FTCD: variants seen among roughly 807,000 people sequenced by gnomAD.
The protein encoded by FTCD is formimidoyltransferase-cyclodeaminase.
A neutral mutation model predicts 62.9 loss-of-function variants in FTCD; 76 were observed. The observed-to-expected ratio is 1.21, with a 90% CI of 1.00 to 1.46. The LOEUF is 1.46. FTCD is among the 40% of genes most tolerant of loss of function. The pLI, the probability that FTCD is intolerant of heterozygous loss-of-function variation, is 0.00. For synonymous variants in FTCD, 397 were observed against 336.9 expected (o/e 1.18, Z -1.95); for missense variants, 845 against 751.3 (o/e 1.12, Z -1.46).
At chr21:46,139,739 C>T (rs2078953011) in intron 10 of FTCD, among the ~76,000 whole-genome samples, 1 of 152,240 alleles carries the variant, frequency 6.6e-6, no homozygotes, top group Non-Finnish European at 1.5e-5. Context: ...GTCTCCCTGA[C>T]TGGCTGGGGC....
chr21:46,144,991 A>C (rs1413305522), intron 10 of FTCD, among the ~76,000 whole-genome samples: 1 of 151,676 alleles, frequency 6.6e-6, no homozygotes, highest in African/African-American at 2.4e-5. Flanking sequence ...TGTGGCTGAA[A>C]CGGGTCGTCT....
At chr21:46,138,688 C>G (rs2078927145) in intron 11 of FTCD, 42 bp from the exon 12 acceptor site, 1 of 1,588,478 alleles carries the variant, frequency 6.3e-7, no homozygotes, top group African/African-American at 1.3e-5. Context: ...GCGGCACACA[C>G]AGGCAGGCAG....
intron 12 of FTCD, 23 bp downstream of exon 12, chr21:46,138,485 T>C (rs2078919598): frequency 1.3e-6 from 2 of 1,571,510 alleles, no homozygotes; most frequent in Non-Finnish European, 1.7e-6. Context: ...GCAGGAGGCC[T>C]GGGGTCCCCC....
At chr21:46,144,927 G>C (rs1184417453) in intron 10 of FTCD, among the ~76,000 whole-genome samples, 1 of 151,366 alleles carries the variant, frequency 6.6e-6, no homozygotes, top group Non-Finnish European at 1.5e-5. Flanking sequence ...AGGGAGGTGG[G>C]GTCACTGCCT....
chr21:46,151,716 G>C lies in FTCD; in HGVS notation c.478C>G (p.Pro160Ala). 6.2e-7 allele frequency: 1 copy of C among 1,612,902 alleles called. No individual in the cohort carries two copies. The highest frequency in any genetic ancestry group is 1.7e-5 in the Admixed American group (1 of 60,026). The change falls in exon 5 of 14, where the codon CCC (proline) becomes GCC (alanine). Residue 160 changes from proline (P) to alanine (A), a missense_variant. Pro to Ala is a conservative substitution (Grantham distance 27). Transcript: ENST00000397746. ...PKKLQQADWA[P>A]DFGPSSFVPS... is the part of the protein sequence containing the mutation. The stretch of plus-strand genomic sequence containing the variant: ...ACAAAGGAGCTGGGACCAAAGTCGG[G>C]CGCCCAGTCGGCCTGCTGGAGCTGT...
In FTCD at chr21:46,137,958, G is replaced by T. The variant is rs575516501; in HGVS notation, c.1443+550C>A. Among the ~76,000 whole-genome samples the T allele has an allele frequency of 4.6e-5, 7 of 152,320 alleles. No individual in the cohort carries two copies. In the South Asian group the frequency reaches 1.2e-3, roughly 27 times the overall value. On this transcript the variant is annotated intron_variant, in intron 12 of 13. Coordinates refer to ENST00000397746, the MANE Select transcript of FTCD (RefSeq NM_206965.2). ...GTCACCAAGGCTGGAGCGCAGTGGT[G>T]TGATCACGGCTCACTGCAGCCTTGA...
In FTCD at chr21:46,154,327, G is replaced by A. The variant is rs374622555; in HGVS notation, c.60C>T (p.Ile20=). 2.9e-5 allele frequency: 47 copies of A among 1,609,450 alleles called. No homozygotes were observed. The highest frequency in any genetic ancestry group is 4.1e-4 in the Middle Eastern group (2 of 4,862). ...GTGTGATGGCTCCAGAGATGGCGTC[G>A]ATCACCTGGGACACAGGCCCGGCCC... The part of the protein sequence containing the change: ...NFSEGKNQEV[I]DAISGAITQT... Residue 20 remains isoleucine (I), a synonymous_variant, in exon 2 of 14, where the codon ATC becomes ATT. Coordinates refer to ENST00000397746, the MANE Select transcript of FTCD (RefSeq NM_206965.2).
intron 7 of FTCD, among the ~76,000 whole-genome samples, chr21:46,149,830 G>A (rs1244095104): frequency 1.3e-5 from 2 of 152,212 alleles, no homozygotes; most frequent in Non-Finnish European, 2.9e-5. Context: ...GGTGAGAGGA[G>A]GCACAGGCCC....
chr21:46,150,224 T>C lies in FTCD; in HGVS notation c.801A>G (p.Ser267=). 6.2e-7 allele frequency: 1 copy of C among 1,609,732 alleles called. No homozygotes were observed. Among genetic ancestry groups the C allele is most frequent in the African/African-American group, 1.3e-5 (1 of 75,012 alleles). The change falls in exon 7 of 14, where the codon TCA becomes TCG. Residue 267 remains serine (S), a synonymous_variant. Coordinates refer to ENST00000397746, the MANE Select transcript of FTCD (RefSeq NM_206965.2). The part of the protein sequence containing the change: ...AQELSLPVVG[S]QLVGLVPLKA... ...TCAGGGGCACCAGGCCCACCAGCTG[T>C]GAGCCCACCACTGGGAGGCTCAGCT...
At chr21:46,140,980 GCA>G (rs754635123) in intron 10 of FTCD, among the ~76,000 whole-genome samples, 6 of 152,056 alleles carry the variant, frequency 3.9e-5, no homozygotes, top group African/African-American at 7.2e-5. Flanking sequence ...CTGATGCCTA[GCA>G]CAGTCTCACT....
chr21:46,150,303 T>C, intron 6 of FTCD, 53 bp from the exon 7 acceptor site: 2 of 1,609,466 alleles, frequency 1.2e-6, no homozygotes, highest in Admixed American at 3.3e-5. Context: ...AGAATGGCCC[T>C]GGCTGGAGGA....
intron 3 of FTCD, chr21:46,152,657 T>C: frequency 2.2e-6 from 1 of 450,054 alleles, no homozygotes; most frequent in Non-Finnish European, 3.9e-6. Context: ...AGGCGTGGAC[T>C]TTAAGGCTCT....
rs7275864 is a variant in FTCD at position 46,150,638 on chromosome 21, G to C, written c.637-113C>G. On this transcript the variant is annotated intron_variant, in intron 5 of 13. Transcript: ENST00000397746. ...CTGGACGGGGAGGAGCCTGTGCCTGGGTGGGTGCTGTGGTTCTCCTCCGTC... is the reference window on the plus strand; with the variant it reads ...CTGGACGGGGAGGAGCCTGTGCCTGCGTGGGTGCTGTGGTTCTCCTCCGTC... The C allele has an allele frequency of 9.5e-3, 10,598 of 1,119,324 alleles. 712 individuals are homozygous for C. The African/African-American group carries it at 0.15, about 15-fold the overall frequency. The allele number at this position is 1,119,324 out of a possible 1,614,324, so 69.3% of individuals were successfully genotyped here. A position where few individuals can be genotyped will look rare whatever the true frequency, so the allele number is the denominator to read the frequency against.
chr21:46,152,672 T>C (rs963753609), intron 3 of FTCD: 2 of 468,334 alleles, frequency 4.3e-6, no homozygotes, highest in African/African-American at 3.9e-5. Flanking sequence ...GGCTCTTGGT[T>C]TGCCTGTGCA....
In FTCD at chr21:46,145,454, A is replaced by T. The variant is rs958812998; in HGVS notation, c.1223T>A (p.Leu408Gln). 22 of 1,559,876 alleles carry T rather than the reference A, an allele frequency of 1.4e-5. No homozygotes were observed. The highest frequency in any genetic ancestry group is 3.3e-4 in the Middle Eastern group (2 of 5,990). Residue 408 changes from leucine (L) to glutamine (Q), a missense_variant, in exon 10 of 14, where the codon CTG (leucine) becomes CAG (glutamine). Transcript: ENST00000397746. Reference sequence around the variant, plus strand: ...GAAGGCCTCGGCGTCGGCATCCACCAGCGTGGTTAGCTTGGCCGAAGCCTC... The same window carrying T: ...GAAGGCCTCGGCGTCGGCATCCACCTGCGTGGTTAGCTTGGCCGAAGCCTC... ...FREASAKLTT[L>Q]VDADAEAFTA... is the part of the protein sequence containing the mutation.
In FTCD at chr21:46,136,999, G is replaced by C. The variant is rs138620208; in HGVS notation, c.1614C>G (p.Thr538=). The C allele has an allele frequency of 1.9e-6, 3 of 1,613,298 alleles. No homozygotes were observed. The highest frequency in any genetic ancestry group is 2.5e-6 in the Non-Finnish European group (3 of 1,180,026). The change falls in exon 14 of 14, where the codon ACC becomes ACG. Residue 538 remains threonine, a synonymous_variant. Transcript: ENST00000397746. ...GCCTCCCGCACCGTCACTCCTGCCG[G>C]GTCTCCAAGCAGTCCAGCACCAGTG... is the stretch of plus-strand genomic sequence containing the variant. ...QAALVLDCLE[T]RQE is the part of the protein sequence containing the mutation.
chr21:46,143,525 T>A (rs567532231), intron 10 of FTCD, among the ~76,000 whole-genome samples: 1 of 152,346 alleles, frequency 6.6e-6, no homozygotes, highest in African/African-American at 2.4e-5. Context: ...AATCATTAGT[T>A]TGTAGCAATT....
At chr21:46,146,420 C>T in intron 7 of FTCD, 93 bp from the exon 8 acceptor site, 1 of 856,672 alleles carries the variant, frequency 1.2e-6, no homozygotes, top group Non-Finnish European at 1.9e-6. Context: ...GCGGCAGCCG[C>T]CCCCTGCCCC....
Position 46,150,422 on chromosome 21 carries a change from T to G in FTCD, c.740A>C (p.His247Pro). 2 of 1,613,062 alleles carry G rather than the reference T, an allele frequency of 1.2e-6. No individual in the cohort carries two copies. The highest frequency in any genetic ancestry group is 1.7e-6 in the Non-Finnish European group (2 of 1,179,878). The stretch of plus-strand genomic sequence containing the variant: ...TCGGCAGGTCTCCTCGTAGACCGTG[T>G]GCAGTGCCGTGACCTCAAAGTCCAG... ...NLLDFEVTAL[H>P]TVYEETCREA... The change falls in exon 6 of 14, where the codon CAC becomes CCC. Residue 247 changes from histidine to proline, a missense_variant. By Grantham distance (77) the His-to-Pro change is moderately conservative (BLOSUM62 -2). Coordinates refer to ENST00000397746, the MANE Select transcript of FTCD (RefSeq NM_206965.2).
Sources: gnomAD v4.1 joint callset for allele counts (sites outside exome capture counted in the v4.1 genomes callset) on GRCh38, gnomAD v4.1.1 for gene constraint, MANE v1.5 for transcripts, NCBI Gene and HGNC (gene_info 2026-07-23, HGNC 2026-07-21) for gene names.